Variants in KDM3A observed in about 807,000 individuals in gnomAD.
KDM3A encodes lysine demethylase 3A.
In KDM3A, 60 loss-of-function variants were observed where a neutral mutation model predicts 158.0. That is an observed-to-expected ratio of 0.38 (90% CI 0.31 to 0.47). KDM3A has a LOEUF of 0.47. Ranked by LOEUF, KDM3A falls within the 20% of genes least tolerant of loss-of-function variation. KDM3A has a pLI of 0.99. For synonymous variants in KDM3A, 608 were observed against 549.3 expected (o/e 1.11, Z -1.49); for missense variants, 1,319 against 1,574.3 (o/e 0.84, Z 2.74).
intron 23 of KDM3A, chr2:86,489,860 C>T (rs531787987): frequency 1.5e-4 from 70 of 474,724 alleles, no homozygotes; most frequent in African/African-American, 1.2e-3. Flanking sequence ...CTAAAAAAAG[C>T]AGGCCTTGTC....
intron 16 of KDM3A, 99 bp downstream of exon 16, chr2:86,480,461 T>C: frequency 1.9e-6 from 2 of 1,050,462 alleles, no homozygotes; most frequent in Middle Eastern, 3.1e-4. Flanking sequence ...GAATGGAAAG[T>C]GCTTCTCTGG....
Position 86,484,017 on chromosome 2 carries a change from T to C in KDM3A, c.2953T>C (p.Leu985=). 1 of 1,613,780 alleles carries C rather than the reference T, an allele frequency of 6.2e-7. No homozygotes were observed. Among genetic ancestry groups the C allele is most frequent in the Middle Eastern group, 1.7e-4 (1 of 6,056 alleles). ...PVMVSGVHHK[L]NSELWKPESF... is the part of the protein sequence containing the mutation. The stretch of plus-strand genomic sequence containing the variant: ...GATGGTGTCTGGAGTGCATCATAAA[T>C]TGAACTCTGAACTTTGGAAACCTGA... Residue 985 remains leucine (L), a synonymous_variant, in exon 19 of 26, where the codon TTG becomes CTG. Coordinates refer to ENST00000312912, the MANE Select transcript of KDM3A (RefSeq NM_018433.6).
chr2:86,461,410 TATTG>T (rs1672924406), intron 8 of KDM3A, among the ~76,000 whole-genome samples: 1 of 152,156 alleles, frequency 6.6e-6, no homozygotes, highest in Non-Finnish European at 1.5e-5. Flanking sequence ...TCATAAGACT[TATTG>T]ATTTATAGCT....
chr2:86,455,266 T>C (rs956072086), intron 5 of KDM3A, 79 bp downstream of exon 5: 26 of 802,664 alleles, frequency 3.2e-5, no homozygotes, highest in Non-Finnish European at 5.1e-5. Flanking sequence ...TAGCCTCTCA[T>C]TCATTTGCTC....
At position 86,481,784 on chromosome 2, in the gene KDM3A, C is replaced by T. The variant is rs944552022; in HGVS notation, c.2513-146C>T. ...TCAGTGAGGAATCGTCTAAGTAAAT[C>T]ATATCATTCATACTTACTCCCTAAA... On this transcript the variant is annotated intron_variant, in intron 16 of 25. Coordinates refer to ENST00000312912, the MANE Select transcript of KDM3A (RefSeq NM_018433.6). 6.4e-6 allele frequency: 4 copies of T among 622,894 alleles called. No homozygotes were observed. In the East Asian group the frequency reaches 1.1e-4, roughly 17 times the overall value. 38.6% of individuals were successfully genotyped at this position (622,894 alleles called of 1,614,324 possible).
intron 17 of KDM3A, 88 bp from the exon 18 acceptor site, chr2:86,482,370 A>T (rs970208505): frequency 5.2e-6 from 8 of 1,546,046 alleles, no homozygotes; most frequent in Middle Eastern, 4.8e-4. Context: ...AATCTTCTGG[A>T]TATGTAATCT....
rs150660157 is a variant in KDM3A at position 86,479,065 on chromosome 2, A to C, written c.2316+330A>C. On this transcript the variant is annotated intron_variant, in intron 15 of 25. Transcript: ENST00000312912. Reference sequence around the variant, plus strand: ...TAAAAAAATTTTTTGTGTATTTTGCAGAATTAAAATTATTAAGATAAGCTT... The same window carrying C: ...TAAAAAAATTTTTTGTGTATTTTGCCGAATTAAAATTATTAAGATAAGCTT... 4.1e-3 allele frequency: 704 copies of C among 172,036 alleles called. 6 individuals carry two copies. The highest frequency in any genetic ancestry group is 4.4e-3 in the Non-Finnish European group (362 of 81,468). 10.7% of individuals were successfully genotyped at this position (172,036 alleles called of 1,614,324 possible).
chr2:86,471,412 TTTTC>T (rs1558620955), intron 11 of KDM3A, among the ~76,000 whole-genome samples: 1 of 151,978 alleles, frequency 6.6e-6, no homozygotes, highest in Non-Finnish European at 1.5e-5. Flanking sequence ...TTCAAAATCA[TTTTC>T]TTTAAATTCT....
chr2:86,480,546 A>T (rs1321401665), intron 16 of KDM3A, among the ~76,000 whole-genome samples, 184 bp downstream of exon 16: 1 of 152,260 alleles, frequency 6.6e-6, no homozygotes, highest in Non-Finnish European at 1.5e-5. Flanking sequence ...TTGCTGCATT[A>T]AAATTTAGGG....
chr2:86,480,134 T>C (rs1449511615), intron 15 of KDM3A, 33 bp from the exon 16 acceptor site: 4 of 1,510,012 alleles, frequency 2.6e-6, no homozygotes, highest in Non-Finnish European at 3.7e-6. Context: ...ATTCTTCAGC[T>C]TATGTAAAAT....
At chr2:86,483,052 A>G (rs2104702447) in intron 18 of KDM3A, 1 of 260,628 alleles carries the variant, frequency 3.8e-6, no homozygotes. Context: ...CTACAAAATC[A>G]TGCACCCCTC....
At chr2:86,457,254 C>T (rs1207939095) in intron 8 of KDM3A, among the ~76,000 whole-genome samples, 183 bp downstream of exon 8, 1 of 152,154 alleles carries the variant, frequency 6.6e-6, no homozygotes, top group African/African-American at 2.4e-5. Context: ...CTCCTGCCTC[C>T]ATAGTAGCTG....
chr2:86,474,689 G>T, intron 11 of KDM3A, 87 bp from the exon 12 acceptor site: 7 of 688,564 alleles, frequency 1.0e-5, no homozygotes, highest in East Asian at 3.2e-5. Flanking sequence ...GTAATTACAA[G>T]TTGTAAATAA....
At chr2:86,485,706 A>G (rs1573209378) in intron 20 of KDM3A, 23 bp from the exon 21 acceptor site, 1 of 1,609,446 alleles carries the variant, frequency 6.2e-7, no homozygotes, top group Non-Finnish European at 8.5e-7. Flanking sequence ...TAACTTTGCA[A>G]ATTCCTGGTT....
chr2:86,472,968 C>CT (rs1558621935), intron 11 of KDM3A, among the ~76,000 whole-genome samples: 2 of 152,184 alleles, frequency 1.3e-5, no homozygotes, highest in Non-Finnish European at 2.9e-5. Context: ...CTCAATTACT[C>CT]TCTTTATTAT....
intron 15 of KDM3A, 141 bp downstream of exon 15, chr2:86,478,876 A>G (rs1160076046): frequency 3.9e-6 from 3 of 771,498 alleles, no homozygotes; most frequent in African/African-American, 1.7e-5. Context: ...GAAAGAATTC[A>G]TACAGTTCAT....
chr2:86,490,162 T>C (rs907176210), intron 23 of KDM3A: 1 of 152,782 alleles, frequency 6.5e-6, no homozygotes, highest in Non-Finnish European at 1.5e-5. Flanking sequence ...GGTTTTTTTT[T>C]CAGCAAGGGC....
upstream of KDM3A, among the ~76,000 whole-genome samples, chr2:86,438,451 A>G (rs1682527858): frequency 6.6e-6 from 1 of 152,072 alleles, no homozygotes; most frequent in African/African-American, 2.4e-5. Flanking sequence ...ACAGTTAATG[A>G]CAATATATTG....
In KDM3A at chr2:86,464,227, A is replaced by G. The variant is rs757956716; in HGVS notation, c.1007+11A>G. ...AAAAATTCCTCAAGGGTGAGTAGTG[A>G]TTTGTTAAAGATGTTTAATTATAAT... On this transcript the variant is annotated intron_variant, in intron 9 of 25. Coordinates refer to ENST00000312912, the MANE Select transcript of KDM3A (RefSeq NM_018433.6). 1 of 1,538,274 alleles carries G rather than the reference A, an allele frequency of 6.5e-7. No individual in the cohort carries two copies. The highest frequency in any genetic ancestry group is 8.8e-7 in the Non-Finnish European group (1 of 1,137,898).
Sources: gnomAD v4.1 joint callset for allele counts (sites outside exome capture counted in the v4.1 genomes callset) on GRCh38, gnomAD v4.1.1 for gene constraint, MANE v1.5 for transcripts, NCBI Gene and HGNC (gene_info 2026-07-23, HGNC 2026-07-21) for gene names.